CFAP61: variants seen among roughly 807,000 people sequenced by gnomAD.
CFAP61 encodes the protein cilia- and flagella-associated protein 61.
A neutral mutation model predicts 135.6 loss-of-function variants in CFAP61; 107 were observed. The ratio of observed to expected loss-of-function variants is 0.79; its 90% CI spans 0.67 to 0.93. CFAP61 has a LOEUF of 0.93. CFAP61 is among the 40% of genes least tolerant of loss of function. The pLI is 0.00. For missense variants in CFAP61, 1,507 were observed against 1,556.2 expected, an observed-to-expected ratio of 0.97 and a Z score of 0.53; for synonymous variants, 575 against 578.5, an observed-to-expected ratio of 0.99 and a Z score of 0.09.
In CFAP61 at chr20:20,055,888, A is replaced by C. The variant is rs1600302565; in HGVS notation, c.-36-730A>C. On this transcript the variant is annotated intron_variant, in intron 1 of 26. Transcript: ENST00000245957. ...AAGGAAAGAAGGGAGGGAAAGAGAG[A>C]AGAGAGACTTACAGAAATTGAGACA... 7 of 1,288,144 alleles carry C rather than the reference A, an allele frequency of 5.4e-6. No individual in the cohort carries two copies. The East Asian group carries it at 1.6e-4, about 30-fold the overall frequency. The allele number at this position is 1,288,144 out of a possible 1,614,324, so 79.8% of individuals were successfully genotyped here.
intron 18 of CFAP61, among the ~76,000 whole-genome samples, chr20:20,244,496 C>G (rs560196550): frequency 3.1e-4 from 47 of 152,316 alleles, no homozygotes; most frequent in Admixed American, 2.4e-3. Context: ...CTACATTAGC[C>G]TCTTTCAGCC....
chr20:20,355,104 T>TGGTCACACTGTGA (rs2059031806), intron 26 of CFAP61, among the ~76,000 whole-genome samples: 1 of 39,190 alleles, frequency 2.6e-5, no homozygotes, highest in South Asian at 8.1e-4. Context: ...TCACACTGTG[T>TGGTCACACTGTGA]GAGGGGAGGT....
intron 25 of CFAP61, among the ~76,000 whole-genome samples, chr20:20,300,273 A>G (rs1006052490): frequency 5.3e-5 from 8 of 152,174 alleles, no homozygotes; most frequent in African/African-American, 1.2e-4. Flanking sequence ...TTTCGAGTGT[A>G]TGCCTTCTAC....
chr20:20,198,942 C>CT (rs1400679656), intron 16 of CFAP61, among the ~76,000 whole-genome samples: 1 of 152,188 alleles, frequency 6.6e-6, no homozygotes, highest in African/African-American at 2.4e-5. Context: ...ATTTTACAGT[C>CT]TAACTCTTCA....
chr20:20,169,771 A>AGGTT (rs2054091291), intron 13 of CFAP61, among the ~76,000 whole-genome samples: 1 of 151,790 alleles, frequency 6.6e-6, no homozygotes. Context: ...CAGATTGTGC[A>AGGTT]GATCTTTGTA....
chr20:20,082,194 TC>T (rs2046478709), intron 6 of CFAP61, among the ~76,000 whole-genome samples: 1 of 152,248 alleles, frequency 6.6e-6, no homozygotes, highest in Non-Finnish European at 1.5e-5. Flanking sequence ...GACATCCGTT[TC>T]AACGATAGTT....
At chr20:20,257,632 A>G (rs1263749682) in intron 20 of CFAP61, among the ~76,000 whole-genome samples, 1 of 150,328 alleles carries the variant, frequency 6.7e-6, no homozygotes, top group African/African-American at 2.4e-5. Flanking sequence ...AAAAAACAAA[A>G]AAAAAAAAGA....
At position 20,149,739 on chromosome 20, in the gene CFAP61, TCACAGA is replaced by T. The variant is rs545876300; in HGVS notation, c.951+6794_951+6799del. 7.1e-4 allele frequency among the ~76,000 whole-genome samples: 108 copies of T among 152,278 alleles called. 1 individual carries two copies. Among genetic ancestry groups the T allele is most frequent in the African/African-American group, 2.5e-3 (102 of 41,570 alleles). The stretch of plus-strand genomic sequence containing the variant: ...CAGGGAAGCCATCCCTGACTATATC[TCACAGA>T]CATCCTCGGGGAAGGCAGTCCAGAT... On this transcript the variant is annotated intron_variant, in intron 9 of 26. Coordinates refer to ENST00000245957, the MANE Select transcript of CFAP61 (RefSeq NM_015585.4).
At chr20:20,341,570 T>C (rs777815564) in intron 25 of CFAP61, among the ~76,000 whole-genome samples, 5 of 152,348 alleles carry the variant, frequency 3.3e-5, no homozygotes, top group Non-Finnish European at 7.3e-5. Flanking sequence ...GCTTTTAAAT[T>C]CTGATAAAAT....
intron 22 of CFAP61, among the ~76,000 whole-genome samples, chr20:20,278,447 G>A (rs1221112437): frequency 6.6e-6 from 1 of 152,210 alleles, no homozygotes; most frequent in African/African-American, 2.4e-5. Flanking sequence ...AGGAGGGAAG[G>A]GGCCGGTCCA....
At chr20:20,190,945 C>T (rs1429552510) in intron 14 of CFAP61, among the ~76,000 whole-genome samples, 1 of 151,980 alleles carries the variant, frequency 6.6e-6, no homozygotes, top group Non-Finnish European at 1.5e-5. Flanking sequence ...ATGGTGTAAC[C>T]TCATCTCTAC....
intron 25 of CFAP61, among the ~76,000 whole-genome samples, chr20:20,333,680 G>C (rs555110408): frequency 6.6e-6 from 1 of 152,294 alleles, no homozygotes; most frequent in South Asian, 2.1e-4. Context: ...GAGTGTCTGG[G>C]ATTCAGAAAA....
Position 20,070,844 on chromosome 20 carries a change from AT to A in CFAP61, c.144-7del, listed in dbSNP as rs1161375161. ...CTTATTCATGTTTGCAATTGTAATC[AT>A]TTCTGCAGAGAAAAGGCCAACCTTG... On this transcript the variant is annotated splice_polypyrimidine_tract_variant and intron_variant, in intron 2 of 26. Transcript: ENST00000245957. 2.5e-6 allele frequency: 4 copies of A among 1,607,280 alleles called. No individual in the cohort carries two copies. In the South Asian group the frequency reaches 4.5e-5, roughly 18 times the overall value.
intron 8 of CFAP61, among the ~76,000 whole-genome samples, chr20:20,111,110 A>AGGG (rs1244697532): frequency 6.6e-6 from 1 of 152,242 alleles, no homozygotes; most frequent in Non-Finnish European, 1.5e-5. Context: ...TATAGAATTT[A>AGGG]TAATCACCCC....
chr20:20,163,380 T>G (rs968382334), intron 10 of CFAP61, among the ~76,000 whole-genome samples: 7 of 152,140 alleles, frequency 4.6e-5, no homozygotes, highest in South Asian at 2.1e-4. Flanking sequence ...CAGGACCACC[T>G]GAGCAGTCCC....
chr20:20,298,236 T>C lies in CFAP61; in HGVS notation c.3272T>C (p.Ile1091Thr). 2 of 1,614,140 alleles carry C rather than the reference T, an allele frequency of 1.2e-6. No individual in the cohort carries two copies. The highest frequency in any genetic ancestry group is 1.7e-6 in the Non-Finnish European group (2 of 1,180,000). The change falls in exon 25 of 27, where the codon ATT (isoleucine) becomes ACT (threonine). Residue 1091 changes from isoleucine (I) to threonine (T), a missense_variant. Physicochemically the swap from Ile to Thr is moderately conservative, Grantham distance 89. Transcript: ENST00000245957. ...AKNGTYFRIH[I>T]NKYKMVETIT... ...AATGGGACTTACTTCCGAATTCATA[T>C]TAACAAGTATAAAATGGTGGAAACC...
chr20:20,183,878 G>A (rs971131690), intron 13 of CFAP61, among the ~76,000 whole-genome samples: 6 of 152,108 alleles, frequency 3.9e-5, no homozygotes, highest in East Asian at 1.9e-4. Flanking sequence ...GCCATAGCCC[G>A]TTCCTCCCCC....
chr20:20,200,052 G>A (rs560824858), intron 17 of CFAP61, 150 bp downstream of exon 17: 26 of 918,868 alleles, frequency 2.8e-5, no homozygotes, highest in Middle Eastern at 7.0e-4. Flanking sequence ...CCCCGCGAAG[G>A]CTCCCCTGCA....
intron 13 of CFAP61, among the ~76,000 whole-genome samples, chr20:20,182,885 G>T (rs950312087): frequency 6.6e-6 from 1 of 152,158 alleles, no homozygotes; most frequent in Non-Finnish European, 1.5e-5. Flanking sequence ...AAGACACAAA[G>T]AACAAGTGCA....
Sources: gnomAD v4.1 joint callset for allele counts (sites outside exome capture counted in the v4.1 genomes callset) on GRCh38, gnomAD v4.1.1 for gene constraint, MANE v1.5 for transcripts, NCBI Gene and HGNC (gene_info 2026-07-23, HGNC 2026-07-21) for gene names.